The following RP1 variants were observed in gnomAD, a reference collection of about 807,000 sequenced individuals.
RP1 encodes RP1 axonemal microtubule associated.
A neutral mutation model predicts 14.8 loss-of-function variants in RP1; 16 were observed. The ratio of observed to expected loss-of-function variants is 1.08; its 90% CI spans 0.73 to 1.65. The LOEUF (loss-of-function observed/expected upper bound fraction) is 1.65, where lower values mean the gene tolerates loss of function less well. RP1 is among the 40% of genes most tolerant of loss of function. The pLI is 0.00. For missense variants in RP1, 2,631 were observed against 2,535.0 expected, an observed-to-expected ratio of 1.04 and a Z score of -0.81; for synonymous variants, 876 against 883.6, an observed-to-expected ratio of 0.99 and a Z score of 0.15.
intron 23 of RP1, among the ~76,000 whole-genome samples, chr8:54,776,348 T>C (rs958869472): frequency 3.3e-5 from 5 of 152,278 alleles, no homozygotes; most frequent in African/African-American, 9.6e-5. Flanking sequence ...ACTATGTGCA[T>C]ATGCCACCAC....
chr8:54,621,529 C>A lies in RP1; in HGVS notation c.563C>A (p.Thr188Lys), dbSNP rs201235412. ...QSFEAFLQHL[T>K]EVMQRPVVKL... Reference sequence around the variant, plus strand: ...TTCGAGGCATTTCTACAGCACCTGACAGAGGTCATGCAGCGCCCTGTGGTC... The same window carrying A: ...TTCGAGGCATTTCTACAGCACCTGAAAGAGGTCATGCAGCGCCCTGTGGTC... Residue 188 changes from threonine to lysine, a missense_variant, in exon 2 of 4, where the codon ACA becomes AAA. Coordinates refer to ENST00000220676, the MANE Select transcript of RP1 (RefSeq NM_006269.2). The A allele has an allele frequency of 1.3e-4, 208 of 1,614,052 alleles. No individual in the cohort carries two copies. Among genetic ancestry groups the A allele is most frequent in the Non-Finnish European group, 1.9e-5 (22 of 1,180,054 alleles).
intron 4 of RP1, among the ~76,000 whole-genome samples, chr8:54,651,379 A>G (rs1237139805): frequency 6.6e-6 from 1 of 152,128 alleles, no homozygotes; most frequent in Admixed American, 6.5e-5. Flanking sequence ...GAATTCACCA[A>G]TGAAGCCTTC....
rs551766538 is a variant in RP1, at chr8:54,818,693, C to T, written c.3616-18757C>T. On this transcript the variant is annotated intron_variant, in intron 24 of 28. Transcript: ENST00000637698. ...ACTTGAGTCTTAGGGTTTATGCCCA[C>T]TGGAGAAAGGCAGCTACCTGTCTTT... is the stretch of plus-strand genomic sequence containing the variant. Among the ~76,000 whole-genome samples, 26 of 152,284 alleles carry T rather than the reference C, an allele frequency of 1.7e-4. No homozygotes were observed. The East Asian group carries it at 4.6e-3, about 27-fold the overall frequency.
chr8:54,576,041 C>CT (rs1402196138), intron 1 of RP1, among the ~76,000 whole-genome samples: 1 of 107,346 alleles, frequency 9.3e-6, no homozygotes, highest in Non-Finnish European at 2.2e-5. Context: ...ACCTGTCAGA[C>CT]TCTTTTTTTT....
chr8:54,674,813 C>G (rs891260729), intron 8 of RP1, among the ~76,000 whole-genome samples: 1 of 152,124 alleles, frequency 6.6e-6, no homozygotes, highest in African/African-American at 2.4e-5. Flanking sequence ...AGGTTGTCTT[C>G]TCTCTTGGAC....
chr8:54,786,344 A>G (rs1056260203), intron 24 of RP1, among the ~76,000 whole-genome samples: 1 of 152,078 alleles, frequency 6.6e-6, no homozygotes, highest in African/African-American at 2.4e-5. Flanking sequence ...TAACCTTATT[A>G]AAGATCCTGT....
intron 12 of RP1, among the ~76,000 whole-genome samples, chr8:54,698,470 A>T (rs1397331392): frequency 6.6e-6 from 1 of 152,322 alleles, no homozygotes; most frequent in East Asian, 1.9e-4. Flanking sequence ...ATTGTGGAAG[A>T]CAGTGTGGTG....
chr8:54,697,009 G>A (rs1326404955), intron 12 of RP1: 5 of 1,431,460 alleles, frequency 3.5e-6, no homozygotes, highest in African/African-American at 2.8e-5. Context: ...AGATCTCATG[G>A]TTCTTGCACC....
chr8:54,834,760 T>C (rs10504172), intron 24 of RP1, among the ~76,000 whole-genome samples: 46,258 of 151,558 alleles, frequency 0.31, 7,261 homozygotes, highest in South Asian at 0.37. Context: ...ACTCAAGTTT[T>C]TAGTTTATAC....
At chr8:54,687,498 C>T (rs1461085840) in intron 12 of RP1, among the ~76,000 whole-genome samples, 1 of 151,882 alleles carries the variant, frequency 6.6e-6, no homozygotes, top group Non-Finnish European at 1.5e-5. Flanking sequence ...TTGTGATGTT[C>T]CCCTCCCTAT....
At chr8:54,765,341 A>T (rs1477780070) in intron 22 of RP1, among the ~76,000 whole-genome samples, 1 of 152,246 alleles carries the variant, frequency 6.6e-6, no homozygotes, top group African/African-American at 2.4e-5. Flanking sequence ...AGTGTGTGCT[A>T]AATTAGTGAA....
intron 24 of RP1, among the ~76,000 whole-genome samples, chr8:54,830,961 T>C (rs1037355501): frequency 6.6e-6 from 1 of 152,162 alleles, no homozygotes; most frequent in South Asian, 2.1e-4. Flanking sequence ...GAGTACATGG[T>C]CTTTTTTATT....
chr8:54,629,679 C>T lies in RP1; in HGVS notation c.5797C>T (p.Arg1933Ter), dbSNP rs118031911. 1.5e-4 allele frequency: 237 copies of T among 1,613,452 alleles called. No individual in the cohort carries two copies. The East Asian group carries it at 4.8e-3, about 32-fold the overall frequency. ...VIIQPMNEED[R>*]GFAYRKESDI... ...TATCCAACCCATGAATGAGGAAGAC[C>T]GAGGATTTGCATATCGCAAAGAATC... Residue 1933 changes from arginine to a stop codon, truncating the protein, a stop_gained, in exon 4 of 4, where the codon CGA (arginine) becomes TGA (stop). Transcript: ENST00000220676. LOFTEE classifies it low-confidence loss of function (END_TRUNC).
chr8:54,730,609 C>T (rs1022881806), intron 17 of RP1, among the ~76,000 whole-genome samples: 3 of 152,012 alleles, frequency 2.0e-5, no homozygotes, highest in Non-Finnish European at 2.9e-5. Flanking sequence ...TTCATAATAT[C>T]CTTTCAGTGT....
rs372301731 is a variant in RP1 at position 54,627,847 on chromosome 8, C to T, written c.3965C>T (p.Thr1322Ile). ...DKACAQKENH[T>I]YEGACPIDET... The stretch of plus-strand genomic sequence containing the variant: ...GCTTGTGCTCAAAAGGAGAACCATA[C>T]CTATGAGGGAGCTTGCCCAATTGAT... The change falls in exon 4 of 4, where the codon ACC (threonine) becomes ATC (isoleucine). Residue 1322 changes from threonine (T) to isoleucine (I), a missense_variant. Coordinates refer to ENST00000220676, the MANE Select transcript of RP1 (RefSeq NM_006269.2). The T allele has an allele frequency of 5.6e-6, 9 of 1,614,128 alleles. No individual in the cohort carries two copies. Among genetic ancestry groups the T allele is most frequent in the East Asian group, 2.2e-5 (1 of 44,876 alleles).
In RP1 at chr8:54,821,671, GA is replaced by G. The variant is rs200567571; in HGVS notation, c.3616-15769del. Among the ~76,000 whole-genome samples the G allele has an allele frequency of 1.2e-3, 177 of 149,662 alleles. 1 individual carries two copies. In the East Asian group the frequency reaches 0.016, roughly 13 times the overall value. On this transcript the variant is annotated intron_variant, in intron 24 of 28. Transcript: ENST00000637698. ...AAGAGCAACTTAATGTGTTAAACTG[GA>G]AAAAAAAAATTAGTATGAACTCATG...
At chr8:54,645,643 T>G (rs778580685) in intron 3 of RP1, among the ~76,000 whole-genome samples, 1 of 152,198 alleles carries the variant, frequency 6.6e-6, no homozygotes, top group Admixed American at 6.5e-5. Context: ...TGGGGGTTAT[T>G]GCTCTGCAGT....
chr8:54,622,707 T>C (rs1381202662), intron 3 of RP1, among the ~76,000 whole-genome samples: 1 of 152,228 alleles, frequency 6.6e-6, no homozygotes, highest in Non-Finnish European at 1.5e-5. Flanking sequence ...AAATCTACGC[T>C]ATGTGCTCTG....
chr8:54,792,696 TGAGAG>T (rs1810495005), intron 24 of RP1, among the ~76,000 whole-genome samples: 2 of 151,912 alleles, frequency 1.3e-5, no homozygotes, highest in African/African-American at 4.8e-5. Flanking sequence ...AAAGCAGTGC[TGAGAG>T]GAAAGTTTAT....
Sources: gnomAD v4.1 joint callset for allele counts (sites outside exome capture counted in the v4.1 genomes callset) on GRCh38, gnomAD v4.1.1 for gene constraint, MANE v1.5 for transcripts, NCBI Gene and HGNC (gene_info 2026-07-23, HGNC 2026-07-21) for gene names.